The following ZNF75D variants were observed in gnomAD, a reference collection of about 807,000 sequenced individuals.
ZNF75D encodes zinc finger protein 75.
ZNF75D carries 33 observed loss-of-function variants against 33.3 expected under a neutral mutation model. That is an observed-to-expected ratio of 0.99 (90% CI 0.75 to 1.32). ZNF75D has a LOEUF of 1.32. Among genes scored for constraint, ZNF75D ranks in the 40% most tolerant of loss-of-function variants. The pLI is 0.00. For missense variants in ZNF75D, 338 were observed against 367.5 expected (o/e 0.92, Z 0.66); for synonymous variants, 113 against 130.6 (o/e 0.87, Z 0.92).
intron 1 of ZNF75D, among the ~76,000 whole-genome samples, chrX:135,310,478 G>A (rs781869579): frequency 8.9e-6 from 1 of 112,172 alleles, no homozygotes; most frequent in Non-Finnish European, 1.9e-5. Context: ...CAGAGCCATG[G>A]TGGATATGGG....
At chrX:135,289,386 G>A (rs1178088675) in intron 6 of ZNF75D, among the ~76,000 whole-genome samples, 2 of 112,216 alleles carry the variant, frequency 1.8e-5, no homozygotes, top group African/African-American at 6.5e-5. Context: ...GGAGGCCAAG[G>A]CAGGGGATCA....
chrX:135,258,316 T>G (rs1232285544), intron 1 of ZNF75D, among the ~76,000 whole-genome samples: 1 of 110,503 alleles, frequency 9.0e-6, no homozygotes, highest in Non-Finnish European at 1.9e-5. Flanking sequence ...TACCCAGTAA[T>G]GTGATTACTG....
In ZNF75D at chrX:135,294,037, T is replaced by C; in HGVS notation, c.104A>G (p.Lys35Arg). 8.3e-7 allele frequency: 1 copy of C among 1,211,516 alleles called. No individual in the cohort carries two copies. ...AAGATTCTCTATTTTTGTGCTGTAT[T>C]TCTTACTCTGACTGGAGTTCTCTTT... ...SVKENSSQSKKYSTKIENLGP... is the reference protein window; with the variant it reads ...SVKENSSQSKRYSTKIENLGP... The change falls in exon 3 of 7, where the codon AAA becomes AGA. Residue 35 changes from lysine to arginine, a missense_variant. Transcript: ENST00000370766.
chrX:135,261,082 T>C (rs2148459443), intron 1 of ZNF75D, among the ~76,000 whole-genome samples: 1 of 112,576 alleles, frequency 8.9e-6, no homozygotes, highest in African/African-American at 3.2e-5. Flanking sequence ...AGCAAGTTGT[T>C]CAGTTTCCAT....
At chrX:135,317,403 C>T (rs2084434338) in intron 1 of ZNF75D, among the ~76,000 whole-genome samples, 2 of 111,610 alleles carry the variant, frequency 1.8e-5, no homozygotes, top group South Asian at 7.6e-4. Context: ...GGGTGGCGTA[C>T]ACTGGCACCA....
In ZNF75D at chrX:135,287,051, T is replaced by G; in HGVS notation, c.*86A>C. 1.3e-6 allele frequency: 1 copy of G among 796,987 alleles called. No homozygotes were observed. The highest frequency in any genetic ancestry group is 2.3e-5 in the South Asian group (1 of 42,608). The allele number at this position is 796,987 out of a possible 1,213,427, so 65.7% of individuals were successfully genotyped here. ...ACATGTACCCTTCCCAAATGTTTTA[T>G]TAATCACAGATTCCTATCATTGGGT... On this transcript the variant is annotated 3_prime_UTR_variant, in exon 7 of 7. Transcript: ENST00000370766.
intron 3 of ZNF75D, among the ~76,000 whole-genome samples, chrX:135,293,288 G>A (rs189708918): frequency 9.0e-6 from 1 of 111,195 alleles, no homozygotes; most frequent in Admixed American, 9.5e-5. Context: ...TTTCCATTTT[G>A]TTCTCTTTCT....
At chrX:135,281,722 G>A (rs1410345711), downstream of ZNF75D, among the ~76,000 whole-genome samples, 1 of 112,195 alleles carries the variant, frequency 8.9e-6, no homozygotes, top group East Asian at 2.8e-4. Context: ...CTGTTTGTTA[G>A]TTTTCCTTCT....
At chrX:135,262,730 G>C (rs1463622273) in intron 1 of ZNF75D, among the ~76,000 whole-genome samples, 1 of 111,778 alleles carries the variant, frequency 8.9e-6, no homozygotes, top group Non-Finnish European at 1.9e-5. Flanking sequence ...CCTTGCGATG[G>C]ACTCAAACAT....
In ZNF75D at chrX:135,250,401, T is replaced by A. The variant is rs1266251853; in HGVS notation, n.1297-1100A>T. ...GGTCGCTTTAAAAAAAAAATTTTTT[T>A]AAACATGCTATGTATAGAAAGGAAA... On this transcript the variant is annotated intron_variant and non_coding_transcript_variant, in intron 3 of 3. Coordinates refer to the ZNF75D transcript ENST00000494295. Among the ~76,000 whole-genome samples the A allele has an allele frequency of 5.8e-5, 6 of 103,397 alleles. No individual in the cohort carries two copies. The East Asian group carries it at 1.5e-3, about 25-fold the overall frequency. The allele number at this position is 103,397 out of a possible 115,157, so 89.8% of individuals were successfully genotyped here.
In ZNF75D at chrX:135,308,486, T is replaced by C. The variant is rs189670821; in HGVS notation, c.-390-12447A>G. ...GGGGAAGGTATGGGAGAGTCATTTGTTCAAACTGATACAGAGAAACTATAG... is the reference window on the plus strand; with the variant it reads ...GGGGAAGGTATGGGAGAGTCATTTGCTCAAACTGATACAGAGAAACTATAG... On this transcript the variant is annotated intron_variant, in intron 1 of 6. Coordinates refer to ENST00000370766, the MANE Select transcript of ZNF75D (RefSeq NM_007131.5). Among the ~76,000 whole-genome samples the C allele has an allele frequency of 1.3e-4, 15 of 112,168 alleles. No individual in the cohort carries two copies. In the East Asian group the frequency reaches 4.2e-3, roughly 31 times the overall value.
intron 1 of ZNF75D, among the ~76,000 whole-genome samples, chrX:135,272,336 C>T (rs1369049267): frequency 9.6e-6 from 1 of 104,615 alleles, no homozygotes; most frequent in African/African-American, 3.5e-5. Flanking sequence ...GTCTCCCCCT[C>T]CTGCTCATAT....
intron 3 of ZNF75D, 58 bp from the exon 4 acceptor site, chrX:135,292,531 G>T (rs2084059831): frequency 1.9e-6 from 2 of 1,068,828 alleles, no homozygotes; most frequent in Non-Finnish European, 2.5e-6. Flanking sequence ...TGGGGTGGTA[G>T]TGGAGGGAGG....
chrX:135,289,433 T>C (rs2084003190), intron 6 of ZNF75D, among the ~76,000 whole-genome samples: 1 of 111,930 alleles, frequency 8.9e-6, no homozygotes, highest in Non-Finnish European at 1.9e-5. Context: ...CTAGCCAACA[T>C]GGTGAAACCA....
At chrX:135,330,989 C>T (rs1029291359) in intron 1 of ZNF75D, among the ~76,000 whole-genome samples, 82 of 111,192 alleles carry the variant, frequency 7.4e-4, no homozygotes, top group Non-Finnish European at 2.3e-4. Flanking sequence ...CTCTCCCTAA[C>T]GATTTTGAAG....
chrX:135,341,486 A>G (rs1182664141), intron 1 of ZNF75D, among the ~76,000 whole-genome samples: 4 of 111,901 alleles, frequency 3.6e-5, no homozygotes, highest in Non-Finnish European at 7.5e-5. Flanking sequence ...TTGTCTCACA[A>G]TGGGTCCTCC....
chrX:135,293,810 T>C lies in ZNF75D; in HGVS notation c.331A>G (p.Lys111Glu), dbSNP rs371884101. 1.1e-5 allele frequency: 13 copies of C among 1,208,568 alleles called. No individual in the cohort carries two copies. The highest frequency in any genetic ancestry group is 8.9e-5 in the East Asian group (3 of 33,739). The change falls in exon 3 of 7, where the codon AAG becomes GAG. Residue 111 changes from lysine to glutamate, a missense_variant. This residue lies in a region of ZNF75D where 254 missense variants were observed against 267.7 expected (regional missense o/e 0.95). Coordinates refer to ENST00000370766, the MANE Select transcript of ZNF75D (RefSeq NM_007131.5). ...TGTTTGACATTCTGTGGATGATGCT[T>C]CTGCACCCAGTTCTGGGTCTCCTTG... ...LPKETQNWVQ[K>E]HHPQNVKQAL...
At chrX:135,332,293 T>C (rs1183342733) in intron 1 of ZNF75D, among the ~76,000 whole-genome samples, 1 of 111,688 alleles carries the variant, frequency 9.0e-6, no homozygotes, top group Non-Finnish European at 1.9e-5. Flanking sequence ...AAGGGTCCAG[T>C]AGTGCTTATG....
intron 1 of ZNF75D, chrX:135,297,464 A>AG (rs1381215445): frequency 2.7e-5 from 3 of 112,132 alleles, no homozygotes; most frequent in African/African-American, 9.7e-5. Flanking sequence ...AGAGGAAGTC[A>AG]GGGCACTGTG....
Sources: gnomAD v4.1 joint callset for allele counts (sites outside exome capture counted in the v4.1 genomes callset) on GRCh38, gnomAD v4.1.1 for gene constraint, gnomAD v4.1.1 regional missense constraint, MANE v1.5 for transcripts, NCBI Gene and HGNC (gene_info 2026-07-23, HGNC 2026-07-21) for gene names.